Variants in IGSF10 observed in about 807,000 individuals in gnomAD.
The protein encoded by IGSF10 is calvaria mechanical force protein 608.
A neutral mutation model predicts 128.2 loss-of-function variants in IGSF10; 126 were observed. The observed-to-expected ratio is 0.98, with a 90% CI of 0.85 to 1.14. The LOEUF (loss-of-function observed/expected upper bound fraction) is 1.14. IGSF10 is among the 50% of genes most tolerant of loss of function. IGSF10 has a pLI of 0.00. For missense variants in IGSF10, 3,295 were observed against 3,149.8 expected, an observed-to-expected ratio of 1.05 and a Z score of -1.10; for synonymous variants, 1,185 against 1,146.2, an observed-to-expected ratio of 1.03 and a Z score of -0.68.
chr3:151,496,441 C>T, the IGSF10 span, among the ~76,000 whole-genome samples: 7 of 144,862 alleles, frequency 4.8e-5, no homozygotes, highest in Non-Finnish European at 7.5e-5. Flanking sequence ...TGAGAACATG[C>T]GGTGTTTGGT....
the IGSF10 span, among the ~76,000 whole-genome samples, chr3:151,580,440 C>A: frequency 3.3e-5 from 5 of 152,106 alleles, no homozygotes; most frequent in African/African-American, 9.7e-5. Flanking sequence ...TACATCTTTT[C>A]TTATTCTAAT....
At chr3:151,469,600 C>A in the IGSF10 span, among the ~76,000 whole-genome samples, 1 of 152,034 alleles carries the variant, frequency 6.6e-6, no homozygotes, top group Non-Finnish European at 1.5e-5. Flanking sequence ...CCTGTAATAC[C>A]CCTGATCTCT....
the IGSF10 span, among the ~76,000 whole-genome samples, chr3:151,583,382 A>G: frequency 6.6e-6 from 1 of 152,236 alleles, no homozygotes; most frequent in Non-Finnish European, 1.5e-5. Flanking sequence ...TTCAAATATT[A>G]CATTTCATTA....
In IGSF10 at chr3:151,443,556, A is replaced by G. The variant is rs933381970; in HGVS notation, c.5391T>C (p.Ala1797=). The G allele has an allele frequency of 5.1e-5, 83 of 1,614,050 alleles. 1 individual carries two copies. Among genetic ancestry groups the G allele is most frequent in the Non-Finnish European group, 6.9e-5 (81 of 1,179,972 alleles). ...CCAATGTTCCGTCAACCGTCACCAC[A>G]GCCTGCCTACTTCCCTGGGATGATT... ...VSESSQGSRQ[A]VVTVDGTLVL... is the part of the protein sequence containing the mutation. The change falls in exon 7 of 8, where the codon GCT becomes GCC. Residue 1797 remains alanine, a synonymous_variant. Coordinates refer to ENST00000282466, the MANE Select transcript of IGSF10 (RefSeq NM_178822.5).
the IGSF10 span, among the ~76,000 whole-genome samples, chr3:151,561,855 T>C: frequency 6.6e-6 from 1 of 152,152 alleles, no homozygotes; most frequent in Admixed American, 6.6e-5. Context: ...GTTTAAATAG[T>C]GAAGCATGCT....
At position 151,443,088 on chromosome 3, in the gene IGSF10, C is replaced by T; in HGVS notation, c.5859G>A (p.Val1953=). The change falls in exon 7 of 8, where the codon GTG becomes GTA. Residue 1953 remains valine, a synonymous_variant. Coordinates refer to ENST00000282466, the MANE Select transcript of IGSF10 (RefSeq NM_178822.5). ...TCAGTAGTAATTTGTCCCCAAAATT[C>T]ACTTCAGTCCTTTTCTGGGATGCAG... ...IEAASQKRTE[V]NFGDKLLLNC... is the part of the protein sequence containing the mutation. 1 of 1,614,254 alleles carries T rather than the reference C, an allele frequency of 6.2e-7. No homozygotes were observed. The highest frequency in any genetic ancestry group is 8.5e-7 in the Non-Finnish European group (1 of 1,180,050).
the IGSF10 span, among the ~76,000 whole-genome samples, chr3:151,544,874 A>G: frequency 6.7e-6 from 1 of 149,670 alleles, no homozygotes; most frequent in Non-Finnish European, 1.5e-5. Context: ...TCTGTTTTCT[A>G]CTCTGGAACT....
the IGSF10 span, among the ~76,000 whole-genome samples, chr3:151,507,786 A>G: frequency 1.3e-5 from 2 of 152,204 alleles, no homozygotes; most frequent in Admixed American, 1.3e-4. Context: ...AAAATTCAAG[A>G]TGAGATTTGG....
chr3:151,582,526 T>C, the IGSF10 span, among the ~76,000 whole-genome samples: 1 of 152,204 alleles, frequency 6.6e-6, no homozygotes. Context: ...GCTGGCTTCT[T>C]TAGCTCATTA....
At chr3:151,440,615 C>T (rs1488614077) in intron 7 of IGSF10, 3 of 456,734 alleles carry the variant, frequency 6.6e-6, no homozygotes, top group Middle Eastern at 3.3e-4. Context: ...ACGCTTTCCA[C>T]CATGCTATAC....
chr3:151,525,514 C>G, the IGSF10 span, among the ~76,000 whole-genome samples: 4 of 152,026 alleles, frequency 2.6e-5, no homozygotes, highest in Non-Finnish European at 5.9e-5. Flanking sequence ...GTAGTCTGTA[C>G]TCTATTAAGG....
the IGSF10 span, among the ~76,000 whole-genome samples, chr3:151,550,937 T>C: frequency 4.0e-4 from 61 of 152,322 alleles, 2 homozygotes; most frequent in South Asian, 0.013. Flanking sequence ...CCCTTGGTGC[T>C]GTCATTTGGC....
At chr3:151,555,289 G>A in the IGSF10 span, among the ~76,000 whole-genome samples, 8 of 152,046 alleles carry the variant, frequency 5.3e-5, no homozygotes, top group African/African-American at 1.9e-4. Flanking sequence ...ATTAGCTGCA[G>A]ATGATAAAAT....
At chr3:151,433,798 G>GGTAA (rs1232502898), downstream of IGSF10, 4 of 152,568 alleles carry the variant, frequency 2.6e-5, no homozygotes, top group East Asian at 1.9e-4. Context: ...TATTTTGTAT[G>GGTAA]GTAAGTATTT....
chr3:151,508,773 T>A, the IGSF10 span, among the ~76,000 whole-genome samples: 4 of 152,212 alleles, frequency 2.6e-5, no homozygotes, highest in Non-Finnish European at 4.4e-5. Flanking sequence ...ATTTGACATG[T>A]TAAGTTACAT....
At chr3:151,523,394 A>G in the IGSF10 span, among the ~76,000 whole-genome samples, 1 of 152,236 alleles carries the variant, frequency 6.6e-6, no homozygotes. Flanking sequence ...AGCTGGAGAC[A>G]TAACGTTACT....
the IGSF10 span, among the ~76,000 whole-genome samples, chr3:151,548,719 T>C: frequency 6.6e-6 from 1 of 152,140 alleles, no homozygotes; most frequent in Admixed American, 6.5e-5. Context: ...TTGGCAGTGA[T>C]AGTTTTTCCT....
chr3:151,585,983 T>G, the IGSF10 span, among the ~76,000 whole-genome samples: 1 of 105,028 alleles, frequency 9.5e-6, no homozygotes, highest in Non-Finnish European at 1.9e-5. Context: ...ACATTAACCA[T>G]TTTTTTTTTT....
At chr3:151,473,098 C>T in the IGSF10 span, among the ~76,000 whole-genome samples, 2 of 152,206 alleles carry the variant, frequency 1.3e-5, no homozygotes, top group African/African-American at 4.8e-5. Context: ...GACTTCTCTA[C>T]CATCATGAAA....
Sources: allele counts gnomAD v4.1 joint callset (sites outside exome capture counted in the v4.1 genomes callset), GRCh38; gene constraint gnomAD v4.1.1; transcripts MANE v1.5; gene names NCBI Gene and HGNC (gene_info 2026-07-23, HGNC 2026-07-21).